DPP10: variants seen among roughly 807,000 people sequenced by gnomAD.
DPP10 encodes the protein inactive dipeptidyl peptidase 10.
DPP10 carries 33 observed loss-of-function variants against 120.9 expected under a neutral mutation model. The observed-to-expected ratio is 0.27, with a 90% CI of 0.21 to 0.37. The LOEUF is 0.37. DPP10 is among the 10% of genes least tolerant of loss of function. DPP10 has a pLI of 1.00. For missense variants in DPP10, 816 were observed against 942.8 expected, an observed-to-expected ratio of 0.87 and a Z score of 1.76; for synonymous variants, 337 against 326.1, an observed-to-expected ratio of 1.03 and a Z score of -0.36.
At chr2:114,568,972 A>C (rs1689418109) in intron 1 of DPP10, among the ~76,000 whole-genome samples, 1 of 152,218 alleles carries the variant, frequency 6.6e-6, no homozygotes, top group Admixed American at 6.5e-5. Flanking sequence ...AAAGATCAGA[A>C]CTGTAGGAGG....
intron 17 of DPP10, among the ~76,000 whole-genome samples, chr2:115,788,689 G>A (rs1385481686): frequency 2.0e-5 from 3 of 152,184 alleles, no homozygotes; most frequent in Non-Finnish European, 2.9e-5. Flanking sequence ...ACATTCACAC[G>A]AGAAGAAATA....
intron 1 of DPP10, among the ~76,000 whole-genome samples, chr2:115,181,424 A>T (rs1222110792): frequency 6.6e-6 from 1 of 152,148 alleles, no homozygotes; most frequent in Non-Finnish European, 1.5e-5. Context: ...TCTTGACTGC[A>T]TTCATCCGGT....
At chr2:114,779,710 G>A (rs529425152) in intron 1 of DPP10, among the ~76,000 whole-genome samples, 46 of 152,248 alleles carry the variant, frequency 3.0e-4, no homozygotes, top group African/African-American at 8.2e-4. Context: ...CCAACCTTGC[G>A]CTAAAGTAAC....
intron 1 of DPP10, among the ~76,000 whole-genome samples, chr2:114,726,139 G>A (rs1290053050): frequency 2.0e-5 from 3 of 152,004 alleles, no homozygotes; most frequent in Admixed American, 6.6e-5. Flanking sequence ...TGGAGGCTGA[G>A]GCAGGAGAAT....
At chr2:114,531,691 A>G (rs1005479199) in intron 1 of DPP10, among the ~76,000 whole-genome samples, 3 of 151,962 alleles carry the variant, frequency 2.0e-5, no homozygotes, top group East Asian at 1.9e-4. Flanking sequence ...GAGTGTATGT[A>G]AAACGGAAGC....
intron 1 of DPP10, among the ~76,000 whole-genome samples, chr2:114,757,242 G>C (rs1249095104): frequency 7.4e-6 from 1 of 134,612 alleles, no homozygotes; most frequent in Non-Finnish European, 1.6e-5. Flanking sequence ...AGGGAGGAAG[G>C]AAGGAAAGAA....
rs1553461347 is a variant in DPP10 at position 114,556,248 on chromosome 2, T to TATATATAA, written c.60+113417_60+113418insAATATATA. 4.0e-5 allele frequency among the ~76,000 whole-genome samples: 5 copies of TATATATAA among 124,734 alleles called. No homozygotes were observed. The East Asian group carries it at 1.8e-3, about 45-fold the overall frequency. The allele number at this position is 124,734 out of a possible 152,430, so 81.8% of individuals were successfully genotyped here. ...CATAGATGATACATATATATATATA[T>TATATATAA]ATATATATATATATATATATAGGCA... On this transcript the variant is annotated intron_variant, in intron 1 of 25. Transcript: ENST00000410059.
chr2:114,453,277 T>G (rs1004305855), intron 1 of DPP10, among the ~76,000 whole-genome samples: 4 of 152,238 alleles, frequency 2.6e-5, no homozygotes, highest in African/African-American at 9.6e-5. Flanking sequence ...TGTCCCCGAT[T>G]GCTTCCTTTA....
At chr2:114,772,698 C>T (rs960769432) in intron 1 of DPP10, among the ~76,000 whole-genome samples, 2 of 150,874 alleles carry the variant, frequency 1.3e-5, no homozygotes, top group Non-Finnish European at 2.9e-5. Flanking sequence ...AATGTATTGA[C>T]TCAATCTCAG....
chr2:115,386,477 G>A (rs955530179), intron 3 of DPP10, among the ~76,000 whole-genome samples: 11 of 152,188 alleles, frequency 7.2e-5, no homozygotes, highest in Admixed American at 2.6e-4. Context: ...TCATTGTTGT[G>A]TAGGGAAATG....
intron 1 of DPP10, among the ~76,000 whole-genome samples, chr2:114,633,911 G>A (rs563220003): frequency 4.0e-5 from 6 of 151,864 alleles, no homozygotes; most frequent in African/African-American, 1.2e-4. Context: ...TGCCAAGCCC[G>A]GCCTTTTTGT....
At position 115,336,533 on chromosome 2, in the gene DPP10, G is replaced by T. The variant is rs533971888; in HGVS notation, c.176-7284G>T. Among the ~76,000 whole-genome samples, 6 of 149,560 alleles carry T rather than the reference G, an allele frequency of 4.0e-5. No individual in the cohort carries two copies. The East Asian group carries it at 9.9e-4, about 25-fold the overall frequency. On this transcript the variant is annotated intron_variant, in intron 2 of 25. Coordinates refer to ENST00000410059, the MANE Select transcript of DPP10 (RefSeq NM_020868.6). ...TAATAGCAACTATTAAAATATAGTAGGTTTTCAGACTTTCATACATGTGTA... is the reference window on the plus strand; with the variant it reads ...TAATAGCAACTATTAAAATATAGTATGTTTTCAGACTTTCATACATGTGTA...
At position 115,191,442 on chromosome 2, in the gene DPP10, A is replaced by C. The variant is rs537899962; in HGVS notation, c.61-117797A>C. ...GGTGGAGAGTTGCCTCTCACCTGGCAAATCTCCACAGGGTATAACGAGGCA... is the reference window on the plus strand; with the variant it reads ...GGTGGAGAGTTGCCTCTCACCTGGCCAATCTCCACAGGGTATAACGAGGCA... On this transcript the variant is annotated intron_variant, in intron 1 of 25. Transcript: ENST00000410059. Among the ~76,000 whole-genome samples, 50 of 152,356 alleles carry C rather than the reference A, an allele frequency of 3.3e-4. No homozygotes were observed. In the East Asian group the frequency reaches 8.9e-3, roughly 27 times the overall value.
At chr2:114,538,794 C>T (rs946028200) in intron 1 of DPP10, among the ~76,000 whole-genome samples, 1 of 152,194 alleles carries the variant, frequency 6.6e-6, no homozygotes, top group Non-Finnish European at 1.5e-5. Context: ...AGGACCCAGA[C>T]TGAGAGAATG....
intron 1 of DPP10, among the ~76,000 whole-genome samples, chr2:114,648,949 G>A (rs10496470): frequency 0.094 from 14,242 of 152,132 alleles, 952 homozygotes; most frequent in Admixed American, 0.2. Flanking sequence ...CTCTGTAGAC[G>A]TGCAAGTATG....
At chr2:115,218,460 A>G (rs564149696) in intron 1 of DPP10, among the ~76,000 whole-genome samples, 2 of 152,264 alleles carry the variant, frequency 1.3e-5, no homozygotes, top group Admixed American at 6.5e-5. Context: ...TGACATTTGA[A>G]TAAAATTTAT....
intron 1 of DPP10, among the ~76,000 whole-genome samples, chr2:115,046,024 G>GCA (rs1559031110): frequency 6.6e-6 from 1 of 151,628 alleles, no homozygotes; most frequent in African/African-American, 2.4e-5. Context: ...GTGTGTGTGT[G>GCA]TGTGTGTGTG....
At chr2:115,378,391 G>A (rs1249133438) in intron 3 of DPP10, among the ~76,000 whole-genome samples, 3 of 151,092 alleles carry the variant, frequency 2.0e-5, no homozygotes, top group African/African-American at 7.4e-5. Flanking sequence ...TGTGATTTTT[G>A]TACATTGATT....
intron 4 of DPP10, among the ~76,000 whole-genome samples, chr2:115,509,846 T>C (rs1241384203): frequency 6.6e-6 from 1 of 152,174 alleles, no homozygotes; most frequent in Admixed American, 6.5e-5. Flanking sequence ...AGGGGCTTGA[T>C]TAATTCACAT....
Sources: gnomAD v4.1 joint callset for allele counts (sites outside exome capture counted in the v4.1 genomes callset) on GRCh38, gnomAD v4.1.1 for gene constraint, MANE v1.5 for transcripts, NCBI Gene and HGNC (gene_info 2026-07-23, HGNC 2026-07-21) for gene names.